APBA2: variants seen among roughly 807,000 people sequenced by gnomAD.
APBA2 encodes amyloid beta precursor protein binding family A member 2.
Under a neutral mutation model 75.0 loss-of-function variants are expected in APBA2, and 30 were observed. The observed-to-expected ratio is 0.40, with a 90% CI of 0.30 to 0.54. The LOEUF (loss-of-function observed/expected upper bound fraction) is 0.54. Among genes scored for constraint, APBA2 ranks in the 20% least tolerant of loss-of-function variants. APBA2 has a pLI of 0.49. For missense variants in APBA2, 801 were observed against 1,016.1 expected (o/e 0.79, Z 2.88); for synonymous variants, 444 against 409.6 (o/e 1.08, Z -1.01).
chr15:29,066,104 C>T (rs1280247547), intron 4 of APBA2, among the ~76,000 whole-genome samples: 1 of 152,170 alleles, frequency 6.6e-6, no homozygotes, highest in Non-Finnish European at 1.5e-5. Context: ...AGACTGTCTG[C>T]CCCCTCTGAT....
intron 14 of APBA2, among the ~76,000 whole-genome samples, chr15:29,116,840 A>T (rs2045204484): frequency 1.3e-5 from 2 of 151,464 alleles, no homozygotes. Context: ...AACTGTATTG[A>T]CTCCTCTGGA....
chr15:29,068,469 AG>A (rs2042474182), intron 4 of APBA2, among the ~76,000 whole-genome samples: 1 of 152,260 alleles, frequency 6.6e-6, no homozygotes, highest in South Asian at 2.1e-4. Context: ...CCCTGCAGAA[AG>A]GGGCACTGTC....
chr15:28,986,663 C>T (rs1272734946), intron 2 of APBA2, among the ~76,000 whole-genome samples: 4 of 152,108 alleles, frequency 2.6e-5, no homozygotes, highest in African/African-American at 9.7e-5. Context: ...GACGGGGTTT[C>T]ACCATGTTGG....
At chr15:28,990,038 C>G (rs78886480) in intron 2 of APBA2, among the ~76,000 whole-genome samples, 3,262 of 152,288 alleles carry the variant, frequency 0.021, 56 homozygotes, top group Non-Finnish European at 0.026. Flanking sequence ...GAACTGTGTT[C>G]CTGTCTACCT....
At chr15:28,916,009 G>T (rs1216752627) in intron 1 of APBA2, among the ~76,000 whole-genome samples, 1 of 152,064 alleles carries the variant, frequency 6.6e-6, no homozygotes, top group African/African-American at 2.4e-5. Context: ...ACACACATTT[G>T]CACGTAAACT....
intron 2 of APBA2, among the ~76,000 whole-genome samples, chr15:28,947,871 T>C (rs1216869944): frequency 6.6e-6 from 1 of 152,258 alleles, no homozygotes; most frequent in Non-Finnish European, 1.5e-5. Flanking sequence ...TTTTCAAAAC[T>C]GACTAATGTC....
At chr15:28,929,182 G>A (rs2034434470) in intron 2 of APBA2, among the ~76,000 whole-genome samples, 2 of 152,128 alleles carry the variant, frequency 1.3e-5, no homozygotes, top group Admixed American at 1.3e-4. Flanking sequence ...GTTATTTGAT[G>A]GTTTACTCAG....
intron 4 of APBA2, among the ~76,000 whole-genome samples, chr15:29,065,166 C>A (rs1458410513): frequency 6.6e-6 from 1 of 152,104 alleles, no homozygotes; most frequent in Non-Finnish European, 1.5e-5. Context: ...AGGCCCCGTA[C>A]CTCCCGTTCT....
intron 14 of APBA2, among the ~76,000 whole-genome samples, 198 bp from the exon 15 acceptor site, chr15:29,116,853 CAGGGGTGGGGA>C: frequency 6.6e-6 from 1 of 152,300 alleles, no homozygotes; most frequent in East Asian, 1.9e-4. Flanking sequence ...CCTCTGGAGC[CAGGGGTGGGGA>C]CCTGGAGTCT....
At chr15:28,904,776 G>A (rs2033053170) in intron 1 of APBA2, among the ~76,000 whole-genome samples, 1 of 152,196 alleles carries the variant, frequency 6.6e-6, no homozygotes, top group African/African-American at 2.4e-5. Context: ...TCCTAGGCTG[G>A]CTGGTGGTGT....
intron 4 of APBA2, among the ~76,000 whole-genome samples, chr15:29,069,844 C>T (rs2042542508): frequency 6.6e-6 from 1 of 152,240 alleles, no homozygotes; most frequent in South Asian, 2.1e-4. Context: ...AATGCAGTGA[C>T]AAGTTTAGAT....
intron 2 of APBA2, among the ~76,000 whole-genome samples, chr15:28,952,127 G>C (rs563745083): frequency 1.8e-4 from 27 of 152,076 alleles, no homozygotes; most frequent in African/African-American, 6.5e-4. Context: ...CTAGCCTTCT[G>C]ATCACTCATG....
chr15:29,104,741 C>A (rs181198365), intron 10 of APBA2, among the ~76,000 whole-genome samples: 1 of 152,256 alleles, frequency 6.6e-6, no homozygotes, highest in Non-Finnish European at 1.5e-5. Context: ...CACGATGCTC[C>A]CGGAAAACAC....
At chr15:28,950,791 A>G (rs939803269) in intron 2 of APBA2, among the ~76,000 whole-genome samples, 2 of 152,160 alleles carry the variant, frequency 1.3e-5, no homozygotes, top group East Asian at 1.9e-4. Flanking sequence ...ATATTTCTGT[A>G]TGGGGGACTT....
intron 1 of APBA2, among the ~76,000 whole-genome samples, chr15:28,909,553 A>C (rs930129055): frequency 1.3e-5 from 2 of 152,196 alleles, no homozygotes; most frequent in Non-Finnish European, 2.9e-5. Flanking sequence ...AGAATCCAAG[A>C]AGCCAATGAG....
rs2043745032 is a variant in APBA2, at chr15:29,094,401, T to TG, written c.1251+92dup. On this transcript the variant is annotated intron_variant, in intron 8 of 14. Transcript: ENST00000683413. ...GGCAGTGGGGGCTGGGGGGTTCCCCTGGGGATCTAAATAATGTTGCAAAGC... is the reference window on the plus strand; with the variant it reads ...GGCAGTGGGGGCTGGGGGGTTCCCCTGGGGGATCTAAATAATGTTGCAAAGC... 3.2e-6 allele frequency: 4 copies of TG among 1,261,574 alleles called. No individual in the cohort carries two copies. The African/African-American group carries it at 6.0e-5, about 19-fold the overall frequency. 78.1% of individuals were successfully genotyped at this position (1,261,574 alleles called of 1,614,324 possible).
intron 4 of APBA2, chr15:29,071,201 TA>T: frequency 1.3e-5 from 5 of 377,530 alleles, no homozygotes; most frequent in South Asian, 7.9e-5. Context: ...TGACACTTTT[TA>T]AAATCCAAGC....
At chr15:28,899,602 C>T (rs577725286) in intron 1 of APBA2, among the ~76,000 whole-genome samples, 1 of 152,052 alleles carries the variant, frequency 6.6e-6, no homozygotes, top group African/African-American at 2.4e-5. Flanking sequence ...CTGCACAGCT[C>T]ATCTGTGCAT....
chr15:29,000,528 GCTGA>G (rs1383509655), intron 3 of APBA2, among the ~76,000 whole-genome samples: 5 of 152,096 alleles, frequency 3.3e-5, no homozygotes, highest in Non-Finnish European at 7.4e-5. Context: ...CTCCACCTTG[GCTGA>G]CTACCTGGCC....
Sources: gnomAD v4.1 joint callset for allele counts (sites outside exome capture counted in the v4.1 genomes callset) on GRCh38, gnomAD v4.1.1 for gene constraint, MANE v1.5 for transcripts, NCBI Gene and HGNC (gene_info 2026-07-23, HGNC 2026-07-21) for gene names.